ZCWPW2: variants seen among roughly 807,000 people sequenced by gnomAD.
ZCWPW2 encodes the protein zinc finger CW-type and PWWP domain containing 2, also known as zinc finger CW-type PWWP domain protein 2.
In ZCWPW2, 45 loss-of-function variants were observed where a neutral mutation model predicts 46.6. The observed-to-expected ratio is 0.96, with a 90% CI of 0.76 to 1.24. The LOEUF is 1.24. ZCWPW2 is among the 50% of genes most tolerant of loss of function. The pLI, the probability that ZCWPW2 is intolerant of heterozygous loss-of-function variation, is 0.00. For synonymous variants in ZCWPW2, 152 were observed against 137.1 expected, an observed-to-expected ratio of 1.11 and a Z score of -0.76; for missense variants, 429 against 403.9, an observed-to-expected ratio of 1.06 and a Z score of -0.53.
intron 6 of ZCWPW2, among the ~76,000 whole-genome samples, chr3:28,506,284 T>C (rs1008494454): frequency 2.6e-5 from 4 of 151,882 alleles, no homozygotes. Context: ...CCTCAAAAAC[T>C]TTAATTTGCT....
At chr3:28,447,883 A>G in intron 4 of ZCWPW2, 1 of 959,558 alleles carries the variant, frequency 1.0e-6, no homozygotes, top group Non-Finnish European at 1.6e-6. Flanking sequence ...AGGCAGACTT[A>G]GAGGGGTTCG....
intron 1 of ZCWPW2, among the ~76,000 whole-genome samples, chr3:28,366,129 C>T (rs1705112158): frequency 1.3e-5 from 2 of 149,220 alleles, no homozygotes; most frequent in Non-Finnish European, 3.0e-5. Context: ...ATTGAATACC[C>T]TTTATTTCCT....
At chr3:28,497,862 A>G (rs191596100) in intron 6 of ZCWPW2, among the ~76,000 whole-genome samples, 107 of 151,998 alleles carry the variant, frequency 7.0e-4, no homozygotes, top group African/African-American at 2.4e-3. Context: ...GTACACGTGC[A>G]CCTGCCTGAT....
intron 6 of ZCWPW2, among the ~76,000 whole-genome samples, chr3:28,508,063 TGGTGAG>T (rs1700327102): frequency 6.6e-6 from 1 of 152,086 alleles, no homozygotes; most frequent in Non-Finnish European, 1.5e-5. Context: ...GCTCAGCTTC[TGGTGAG>T]GGGCCCAGGA....
At chr3:28,379,929 A>G (rs183861699) in intron 1 of ZCWPW2, among the ~76,000 whole-genome samples, 117 of 152,220 alleles carry the variant, frequency 7.7e-4, no homozygotes, top group Admixed American at 2.9e-3. Context: ...CAAAAACATT[A>G]AGTAAGTCAA....
intron 1 of ZCWPW2, among the ~76,000 whole-genome samples, chr3:28,373,186 T>C (rs934757214): frequency 3.9e-5 from 6 of 152,190 alleles, no homozygotes; most frequent in Admixed American, 3.9e-4. Context: ...AGTAGTGGGA[T>C]TACTGGATCA....
intron 1 of ZCWPW2, among the ~76,000 whole-genome samples, chr3:28,377,833 T>A (rs565167803): frequency 6.6e-6 from 1 of 152,200 alleles, no homozygotes; most frequent in African/African-American, 2.4e-5. Flanking sequence ...CTAAAGCATA[T>A]AGCTTGATTA....
At chr3:28,389,479 A>C (rs1459733686) in intron 1 of ZCWPW2, among the ~76,000 whole-genome samples, 1 of 152,140 alleles carries the variant, frequency 6.6e-6, no homozygotes, top group Non-Finnish European at 1.5e-5. Flanking sequence ...AGGAGCATCC[A>C]TTGGTGATAT....
At chr3:28,375,139 A>G (rs777107247) in intron 1 of ZCWPW2, among the ~76,000 whole-genome samples, 7 of 151,520 alleles carry the variant, frequency 4.6e-5, no homozygotes, top group Non-Finnish European at 7.4e-5. Flanking sequence ...TGATGTAAGT[A>G]TAACTACTTG....
At chr3:28,519,413 A>C (rs527468455) in intron 8 of ZCWPW2, among the ~76,000 whole-genome samples, 181 of 152,322 alleles carry the variant, frequency 1.2e-3, no homozygotes, top group Non-Finnish European at 2.1e-3. Context: ...TATTGACAGA[A>C]AAATTATTTT....
At position 28,488,784 on chromosome 3, in the gene ZCWPW2, G is replaced by A. The variant is rs532361587; in HGVS notation, c.611-3343G>A. On this transcript the variant is annotated intron_variant, in intron 5 of 9. Coordinates refer to ENST00000383768, the MANE Select transcript of ZCWPW2 (RefSeq NM_001040432.4). ...TCCACATCTACATTTCCTGTTAACT[G>A]CTTTTCACTCTTTATGATGAGAGTC... is the stretch of plus-strand genomic sequence containing the variant. Among the ~76,000 whole-genome samples, 8 of 152,200 alleles carry A rather than the reference G, an allele frequency of 5.3e-5. No homozygotes were observed. The East Asian group carries it at 1.5e-3, about 29-fold the overall frequency.
intron 2 of ZCWPW2, among the ~76,000 whole-genome samples, chr3:28,403,379 C>A (rs1696027106): frequency 6.6e-6 from 1 of 152,122 alleles, no homozygotes; most frequent in South Asian, 2.1e-4. Flanking sequence ...CATAACACTG[C>A]TGTTAGAAAT....
chr3:28,367,168 A>G (rs2125698310), intron 1 of ZCWPW2, among the ~76,000 whole-genome samples: 1 of 151,796 alleles, frequency 6.6e-6, no homozygotes, highest in African/African-American at 2.4e-5. Context: ...GATCTTAGTT[A>G]TTTCTTGCCT....
At chr3:28,400,361 A>C (rs1695870895) in intron 2 of ZCWPW2, among the ~76,000 whole-genome samples, 1 of 152,230 alleles carries the variant, frequency 6.6e-6, no homozygotes, top group Non-Finnish European at 1.5e-5. Context: ...TTTGGAAAAC[A>C]TATTTGGGAG....
intron 2 of ZCWPW2, among the ~76,000 whole-genome samples, chr3:28,391,581 A>G (rs1003049459): frequency 1.4e-4 from 21 of 152,332 alleles, no homozygotes; most frequent in Admixed American, 6.5e-4. Flanking sequence ...GGCAGGGGCT[A>G]CTAGTATCAG....
At chr3:28,517,056 A>T (rs964038403) in intron 8 of ZCWPW2, among the ~76,000 whole-genome samples, 1 of 152,228 alleles carries the variant, frequency 6.6e-6, no homozygotes, top group Non-Finnish European at 1.5e-5. Flanking sequence ...AATGTAAAGT[A>T]GGAAAAGTTT....
At chr3:28,376,452 A>G (rs1705502280) in intron 1 of ZCWPW2, among the ~76,000 whole-genome samples, 1 of 152,096 alleles carries the variant, frequency 6.6e-6, no homozygotes, top group African/African-American at 2.4e-5. Flanking sequence ...GTTTCATTCT[A>G]GAGGTATGAG....
At chr3:28,492,020 T>C in intron 5 of ZCWPW2, 107 bp from the exon 6 acceptor site, 1 of 1,125,886 alleles carries the variant, frequency 8.9e-7, no homozygotes, top group South Asian at 1.5e-5. Flanking sequence ...CAAAATACTG[T>C]TACAATAGTA....
chr3:28,421,830 TAGTTTGTGTGTGTGTGTG>T (rs1559497715), intron 3 of ZCWPW2, among the ~76,000 whole-genome samples: 1 of 117,706 alleles, frequency 8.5e-6, no homozygotes, highest in African/African-American at 3.2e-5. Flanking sequence ...TGTTGGAGAA[TAGTTTGTGTGTGTGTGTG>T]TGTGTGTGTG....
Sources: gnomAD v4.1 joint callset for allele counts (sites outside exome capture counted in the v4.1 genomes callset) on GRCh38, gnomAD v4.1.1 for gene constraint, MANE v1.5 for transcripts, NCBI Gene and HGNC (gene_info 2026-07-23, HGNC 2026-07-21) for gene names.